The following GCA variants were observed in gnomAD, a reference collection of about 807,000 sequenced individuals.
The protein encoded by GCA is grancalcin.
A neutral mutation model predicts 32.6 loss-of-function variants in GCA; 30 were observed. The ratio of observed to expected loss-of-function variants is 0.92; its 90% CI spans 0.69 to 1.25. GCA has a LOEUF of 1.25. GCA is among the 50% of genes most tolerant of loss of function. GCA has a pLI of 0.00. For missense variants in GCA, 291 were observed against 266.8 expected, an observed-to-expected ratio of 1.09 and a Z score of -0.63; for synonymous variants, 102 against 84.6, an observed-to-expected ratio of 1.21 and a Z score of -1.13.
At chr2:162,371,951 G>A (rs372831112), downstream of GCA, 15 of 1,613,702 alleles carry the variant, frequency 9.3e-6, no homozygotes, top group South Asian at 3.3e-5. Context: ...TTTCTTTGCC[G>A]CAGGTGAAGC....
chr2:162,360,792 C>G lies in GCA; in HGVS notation c.*549C>G. 7.5e-7 allele frequency: 1 copy of G among 1,335,260 alleles called. No homozygotes were observed. Among genetic ancestry groups the G allele is most frequent in the Non-Finnish European group, 9.7e-7 (1 of 1,034,156 alleles). 82.7% of individuals were successfully genotyped at this position (1,335,260 alleles called of 1,614,324 possible). A position where few individuals can be genotyped will look rare whatever the true frequency, so the allele number is the denominator to read the frequency against. On this transcript the variant is annotated 3_prime_UTR_variant, in exon 8 of 8. Coordinates refer to ENST00000437150, the MANE Select transcript of GCA (RefSeq NM_012198.5). ...TTGTCTGTGAAGAAGAAAATTATCT[C>G]CCTAGTTCAATCTGTAGTGAAATAA...
chr2:162,344,392 T>A, intron 1 of GCA, 117 bp downstream of exon 1: 2 of 981,472 alleles, frequency 2.0e-6, no homozygotes, highest in South Asian at 2.9e-5. Flanking sequence ...CGCCTGGTAC[T>A]CGGCGGCGCC....
chr2:162,319,474 G>T (rs1683589133), intron 1 of GCA: 1 of 224,988 alleles, frequency 4.4e-6, no homozygotes, highest in Non-Finnish European at 9.3e-6. Context: ...ACTTATTTTT[G>T]ATATAGCTGC....
chr2:162,345,204 G>C (rs1684638047), intron 1 of GCA, among the ~76,000 whole-genome samples: 1 of 151,714 alleles, frequency 6.6e-6, no homozygotes, highest in Admixed American at 6.6e-5. Context: ...ACACATACTT[G>C]TTCCTAAAAT....
At chr2:162,338,658 A>G (rs555642718) in intron 1 of GCA, among the ~76,000 whole-genome samples, 1 of 152,318 alleles carries the variant, frequency 6.6e-6, no homozygotes, top group East Asian at 1.9e-4. Flanking sequence ...GGTAGAATCT[A>G]AATGATATTC....
chr2:162,349,865 G>A (rs1189929117), intron 2 of GCA, among the ~76,000 whole-genome samples: 2 of 152,104 alleles, frequency 1.3e-5, no homozygotes, highest in African/African-American at 4.8e-5. Flanking sequence ...TTTTATAATG[G>A]TCAAGAAAGA....
upstream of GCA, among the ~76,000 whole-genome samples, chr2:162,339,356 A>G (rs2105291124): frequency 6.6e-6 from 1 of 152,190 alleles, no homozygotes; most frequent in East Asian, 1.9e-4. Flanking sequence ...ATGTAGATCA[A>G]TTAAGGAAAT....
intron 1 of GCA, among the ~76,000 whole-genome samples, chr2:162,324,096 T>C: frequency 6.6e-6 from 1 of 151,942 alleles, no homozygotes; most frequent in East Asian, 1.9e-4. Context: ...CCCACGGCAG[T>C]GTCTAGGGGT....
rs1487425315 is a variant in GCA, at chr2:162,347,667, T to C, written c.117T>C (p.Ser39=). 1 of 1,611,038 alleles carries C rather than the reference T, an allele frequency of 6.2e-7. No homozygotes were observed. Among genetic ancestry groups the C allele is most frequent in the East Asian group, 2.2e-5 (1 of 44,816 alleles). The part of the protein sequence containing the change: ...TGPAILLDGY[S]GPAYSDTYSS... ...CAGCTATACTCCTCGATGGATACTC[T>C]GGGCCAGCATATTCAGACACTTATT... Residue 39 remains serine, a synonymous_variant, in exon 2 of 8, where the codon TCT becomes TCC. Transcript: ENST00000437150.
intron 5 of GCA, 106 bp downstream of exon 5, chr2:162,357,011 T>C (rs1003161774): frequency 1.4e-6 from 1 of 733,214 alleles, no homozygotes; most frequent in Non-Finnish European, 2.1e-6. Context: ...TGTATTTTTT[T>C]GCCAGCAAGT....
intron 1 of GCA, chr2:162,344,618 C>G (rs919142443): frequency 2.4e-6 from 1 of 414,970 alleles, no homozygotes; most frequent in Non-Finnish European, 4.4e-6. Context: ...CCCCGCCCCC[C>G]ACTCAGTGTT....
chr2:162,328,218 CAAAAAAAAAA>C (rs35156397), intron 1 of GCA, among the ~76,000 whole-genome samples: 3 of 90,078 alleles, frequency 3.3e-5, no homozygotes, highest in East Asian at 3.5e-4. Flanking sequence ...CTGTTTCTAC[CAAAAAAAAAA>C]AAAAAAAAAA....
chr2:162,345,240 T>G (rs562879427), intron 1 of GCA, among the ~76,000 whole-genome samples: 11 of 152,122 alleles, frequency 7.2e-5, no homozygotes, highest in Non-Finnish European at 1.5e-4. Context: ...AAGACTTGCC[T>G]CAATCCCCTC....
intron 1 of GCA, among the ~76,000 whole-genome samples, chr2:162,331,345 G>A (rs533380210): frequency 6.6e-6 from 1 of 152,154 alleles, no homozygotes; most frequent in Admixed American, 6.5e-5. Flanking sequence ...TTACAAATAA[G>A]TATCAGCAAG....
chr2:162,373,539 G>C (rs368146828), downstream of GCA: 130 of 1,590,350 alleles, frequency 8.2e-5, no homozygotes, highest in Middle Eastern at 1.7e-4. Flanking sequence ...TCATCAGCTG[G>C]ATGATGGGTC....
downstream of GCA, among the ~76,000 whole-genome samples, chr2:162,363,783 CT>C (rs1407335738): frequency 6.6e-6 from 1 of 151,362 alleles, no homozygotes; most frequent in Non-Finnish European, 1.5e-5. Flanking sequence ...AAGAAAGAGT[CT>C]TATATACTTA....
downstream of GCA, among the ~76,000 whole-genome samples, chr2:162,368,108 A>G (rs372695248): frequency 6.6e-6 from 1 of 151,962 alleles, no homozygotes; most frequent in African/African-American, 2.4e-5. Context: ...CTGATTTACT[A>G]GATCTGGGGT....
intron 1 of GCA, among the ~76,000 whole-genome samples, chr2:162,328,041 C>G (rs775312352): frequency 3.9e-5 from 6 of 152,078 alleles, no homozygotes; most frequent in Non-Finnish European, 8.8e-5. Context: ...TAGCCCGTCG[C>G]TGCACTGTGG....
At chr2:162,320,788 C>A (rs13394680) in intron 1 of GCA, among the ~76,000 whole-genome samples, 8,422 of 152,132 alleles carry the variant, frequency 0.055, 807 homozygotes, top group African/African-American at 0.19. Context: ...ATGGAGTTCA[C>A]ATTCTAATGG....
Sources: allele counts gnomAD v4.1 joint callset (sites outside exome capture counted in the v4.1 genomes callset), GRCh38; gene constraint gnomAD v4.1.1; transcripts MANE v1.5; gene names NCBI Gene and HGNC (gene_info 2026-07-23, HGNC 2026-07-21).